ANO10: variants seen among roughly 807,000 people sequenced by gnomAD.
ANO10 encodes the protein anoctamin 10, also known as anoctamin-10.
ANO10 carries 77 observed loss-of-function variants against 74.7 expected under a neutral mutation model. That is an observed-to-expected ratio of 1.03 (90% CI 0.86 to 1.25). The LOEUF (loss-of-function observed/expected upper bound fraction) is 1.25. Among genes scored for constraint, ANO10 ranks in the 50% most tolerant of loss-of-function variants. The pLI, the probability that ANO10 is intolerant of heterozygous loss-of-function variation, is 0.00. For missense variants in ANO10, 721 were observed against 778.1 expected (o/e 0.93, Z 0.87); for synonymous variants, 279 against 284.9 (o/e 0.98, Z 0.21).
At chr3:43,586,510 T>C (rs984936175) in intron 4 of ANO10, among the ~76,000 whole-genome samples, 5 of 151,464 alleles carry the variant, frequency 3.3e-5, no homozygotes, top group Non-Finnish European at 5.9e-5. Context: ...AAATGGCCAG[T>C]CCAGGAAAAA....
intron 11 of ANO10, among the ~76,000 whole-genome samples, chr3:43,481,927 C>CTTTTT (rs1161910647): frequency 1.6e-5 from 2 of 123,878 alleles, no homozygotes; most frequent in Non-Finnish European, 3.4e-5. Context: ...CTTTTTTTTT[C>CTTTTT]TTTTTTTTTT....
At chr3:43,601,934 C>A (rs996848707) in intron 2 of ANO10, among the ~76,000 whole-genome samples, 3 of 152,188 alleles carry the variant, frequency 2.0e-5, no homozygotes, top group Admixed American at 2.0e-4. Flanking sequence ...TGGTGCCACA[C>A]CTTAAGATCC....
chr3:43,648,671 C>T (rs796765505), intron 1 of ANO10, among the ~76,000 whole-genome samples: 1 of 138,958 alleles, frequency 7.2e-6, no homozygotes, highest in African/African-American at 2.9e-5. Context: ...GGTTTTAGCC[C>T]GCTTTTTTTT....
At chr3:43,470,652 A>T (rs1380425671) in intron 11 of ANO10, among the ~76,000 whole-genome samples, 1 of 134,958 alleles carries the variant, frequency 7.4e-6, no homozygotes, top group African/African-American at 2.5e-5. Context: ...TTTGAGGCAG[A>T]GTTTCACTTT....
intron 11 of ANO10, among the ~76,000 whole-genome samples, chr3:43,479,134 T>C (rs2076176699): frequency 6.6e-6 from 1 of 152,240 alleles, no homozygotes; most frequent in South Asian, 2.1e-4. Flanking sequence ...CTGATCCTTT[T>C]GTTTAATAAC....
At chr3:43,629,604 T>G (rs2083526464) in intron 1 of ANO10, among the ~76,000 whole-genome samples, 1 of 152,196 alleles carries the variant, frequency 6.6e-6, no homozygotes, top group South Asian at 2.1e-4. Context: ...GGATTGATTG[T>G]ACCAGGGTGG....
chr3:43,653,385 C>A (rs770604687), intron 1 of ANO10, among the ~76,000 whole-genome samples: 1 of 152,162 alleles, frequency 6.6e-6, no homozygotes, highest in Admixed American at 6.5e-5. Flanking sequence ...CTCTTTCCAA[C>A]CACTATATTG....
intron 6 of ANO10, among the ~76,000 whole-genome samples, chr3:43,576,134 C>T (rs1389932862): frequency 6.6e-6 from 1 of 152,210 alleles, no homozygotes; most frequent in Admixed American, 6.5e-5. Flanking sequence ...CAACAGCAGT[C>T]CTCAGTGCCT....
In ANO10 at chr3:43,680,277, T is replaced by C. The variant is rs564679094; in HGVS notation, c.-12+11240A>G. Among the ~76,000 whole-genome samples the C allele has an allele frequency of 5.9e-5, 9 of 152,282 alleles. No homozygotes were observed. The South Asian group carries it at 1.5e-3, about 25-fold the overall frequency. On this transcript the variant is annotated intron_variant, in intron 1 of 3. Coordinates refer to the ANO10 transcript ENST00000413397. ...GAGCTGAAAACCATGGCACGAGAAC[T>C]ATGTGACGAATGCACAAGCCTCAGT...
At chr3:43,691,121 C>T in intron 1 of ANO10, 2 of 1,327,644 alleles carry the variant, frequency 1.5e-6, no homozygotes, top group Non-Finnish European at 1.9e-6. Flanking sequence ...GCGGGCAGCA[C>T]CAAGGAGTCG....
At chr3:43,643,428 T>C (rs2083691189) in intron 1 of ANO10, among the ~76,000 whole-genome samples, 1 of 151,876 alleles carries the variant, frequency 6.6e-6, no homozygotes, top group South Asian at 2.1e-4. Context: ...TCCCCATCCA[T>C]AGGGTTTGTT....
chr3:43,571,591 A>T (rs1288273000), intron 7 of ANO10, among the ~76,000 whole-genome samples: 1 of 151,986 alleles, frequency 6.6e-6, no homozygotes, highest in African/African-American at 2.4e-5. Context: ...AAGAACAAAA[A>T]ACCAAACACT....
intron 9 of ANO10, 80 bp from the exon 10 acceptor site, chr3:43,555,549 C>A (rs2079704430): frequency 7.1e-7 from 1 of 1,412,082 alleles, no homozygotes. Context: ...AAAGCTGTGG[C>A]CTCTAACTAT....
At chr3:43,387,279 T>G (rs1261792854) in intron 12 of ANO10, among the ~76,000 whole-genome samples, 2 of 152,202 alleles carry the variant, frequency 1.3e-5, no homozygotes, top group Non-Finnish European at 2.9e-5. Context: ...ATATATGTGG[T>G]CCGTCATTGA....
At chr3:43,642,182 G>A (rs2083677110) in intron 1 of ANO10, among the ~76,000 whole-genome samples, 1 of 152,194 alleles carries the variant, frequency 6.6e-6, no homozygotes, top group African/African-American at 2.4e-5. Context: ...GTTATTTAAT[G>A]TGAATTTCTC....
At chr3:43,387,719 G>A (rs2092163547) in intron 12 of ANO10, among the ~76,000 whole-genome samples, 1 of 152,176 alleles carries the variant, frequency 6.6e-6, no homozygotes, top group Non-Finnish European at 1.5e-5. Context: ...CCAAGTGGCT[G>A]GTACTAGGCA....
rs527484493 is a variant in ANO10, at chr3:43,580,296, C to T, written c.592+57G>A. ...AAGGGAGCTGACTCCACTGCTAGATCGTAACTTTTCATCAGAGGCCTTCCT... is the reference window on the plus strand; with the variant it reads ...AAGGGAGCTGACTCCACTGCTAGATTGTAACTTTTCATCAGAGGCCTTCCT... On this transcript the variant is annotated intron_variant, in intron 5 of 12. Transcript: ENST00000292246. 102 of 1,610,104 alleles carry T rather than the reference C, an allele frequency of 6.3e-5. No individual in the cohort carries two copies. In the Middle Eastern group the frequency reaches 1.3e-3, roughly 21 times the overall value.
chr3:43,591,959 C>G (rs112559345), intron 4 of ANO10, among the ~76,000 whole-genome samples: 1 of 152,256 alleles, frequency 6.6e-6, no homozygotes, highest in Non-Finnish European at 1.5e-5. Flanking sequence ...TATCCTGTGC[C>G]TGGCTCAGAG....
Position 43,598,797 on chromosome 3 carries a change from G to C in ANO10, c.338-131C>G. ...AAGAAGTAATCAAAGTATGAAGCTG[G>C]TAAATTAAATAGAACATAAAGCTCC... On this transcript the variant is annotated intron_variant, in intron 3 of 12. Transcript: ENST00000292246. 1.6e-5 allele frequency: 12 copies of C among 744,716 alleles called. No homozygotes were observed. The South Asian group carries it at 2.3e-4, about 14-fold the overall frequency. 46.1% of individuals were successfully genotyped at this position (744,716 alleles called of 1,614,324 possible). A position where few individuals can be genotyped will look rare whatever the true frequency, so the allele number is the denominator to read the frequency against.
Sources: gnomAD v4.1 joint callset for allele counts (sites outside exome capture counted in the v4.1 genomes callset) on GRCh38, gnomAD v4.1.1 for gene constraint, MANE v1.5 for transcripts, NCBI Gene and HGNC (gene_info 2026-07-23, HGNC 2026-07-21) for gene names.